GPD2: variants seen among roughly 807,000 people sequenced by gnomAD.
GPD2 encodes glycerol-3-phosphate dehydrogenase, mitochondrial.
In GPD2, 54 loss-of-function variants were observed where a neutral mutation model predicts 82.4. The observed-to-expected ratio is 0.66, with a 90% CI of 0.53 to 0.82. The LOEUF (loss-of-function observed/expected upper bound fraction) is 0.82, where lower values mean the gene tolerates loss of function less well. Ranked by LOEUF, GPD2 falls within the 40% of genes least tolerant of loss-of-function variation. The pLI, the probability that GPD2 is intolerant of heterozygous loss-of-function variation, is 0.00. For synonymous variants in GPD2, 288 were observed against 306.1 expected, an observed-to-expected ratio of 0.94 and a Z score of 0.62; for missense variants, 748 against 896.2, an observed-to-expected ratio of 0.83 and a Z score of 2.11.
chr2:156,493,871 T>G (rs1439960859), intron 2 of GPD2, among the ~76,000 whole-genome samples: 2 of 151,874 alleles, frequency 1.3e-5, no homozygotes, highest in African/African-American at 4.8e-5. Flanking sequence ...TAGCCTGGTG[T>G]TTTTTTCCCT....
intron 6 of GPD2, among the ~76,000 whole-genome samples, chr2:156,529,308 G>A (rs1177884767): frequency 6.8e-6 from 1 of 147,788 alleles, no homozygotes; most frequent in Non-Finnish European, 1.5e-5. Context: ...TTGTAAATTT[G>A]TTTGAGTTCA....
At chr2:156,567,478 G>T (rs887317099) in intron 9 of GPD2, among the ~76,000 whole-genome samples, 1 of 152,056 alleles carries the variant, frequency 6.6e-6, no homozygotes, top group African/African-American at 2.4e-5. Flanking sequence ...TTTTTTATCA[G>T]TATGGGTAAT....
upstream of GPD2, chr2:156,435,816 C>G (rs114453408): frequency 6.6e-6 from 1 of 152,484 alleles, no homozygotes; most frequent in Admixed American, 6.5e-5. Context: ...TAAGCCAGCC[C>G]CGCCAGCGTG....
chr2:156,467,750 C>T lies in GPD2; in HGVS notation c.-8-8348C>T, dbSNP rs1683197675. On this transcript the variant is annotated intron_variant, in intron 1 of 16. Coordinates refer to ENST00000438166, the MANE Select transcript of GPD2 (RefSeq NM_000408.5). ...AACAACAACAAAAGAGGAGAATTCA[C>T]CTTCAGTTTACAGAATAGACCTCCT... Among the ~76,000 whole-genome samples the T allele has an allele frequency of 3.3e-5, 5 of 152,284 alleles. 1 individual carries two copies. In the South Asian group the frequency reaches 6.2e-4, roughly 19 times the overall value.
At chr2:156,543,205 C>T (rs908401196) in intron 6 of GPD2, among the ~76,000 whole-genome samples, 6 of 152,098 alleles carry the variant, frequency 3.9e-5, no homozygotes, top group African/African-American at 1.4e-4. Context: ...ATAATAGTCC[C>T]CCTTGATCCC....
At chr2:156,477,015 T>C (rs146147350) in intron 2 of GPD2, among the ~76,000 whole-genome samples, 490 of 152,360 alleles carry the variant, frequency 3.2e-3, no homozygotes, top group African/African-American at 0.011. Context: ...TTTCACATTT[T>C]TGTGGCTGCC....
upstream of GPD2, among the ~76,000 whole-genome samples, chr2:156,436,101 A>T (rs557592018): frequency 6.6e-6 from 1 of 152,168 alleles, no homozygotes; most frequent in African/African-American, 2.4e-5. Flanking sequence ...AGTCACGTTC[A>T]TTGGGCCACG....
At chr2:156,423,195 T>C in the GPD2 span, among the ~76,000 whole-genome samples, 3 of 152,366 alleles carry the variant, frequency 2.0e-5, no homozygotes, top group East Asian at 5.8e-4. Flanking sequence ...TCAAAGCCCA[T>C]GTTTTCACAT....
rs139659281 is a variant in GPD2 at position 156,490,497 on chromosome 2, G to C, written c.103-5547G>C. ...TTTAAAAAAATATTTTGGAGGGACT[G>C]TTCAGTAAAACCTTCAAAACAAAAC... On this transcript the variant is annotated intron_variant, in intron 2 of 16. Coordinates refer to ENST00000438166, the MANE Select transcript of GPD2 (RefSeq NM_000408.5). Among the ~76,000 whole-genome samples, 559 of 152,146 alleles carry C rather than the reference G, an allele frequency of 3.7e-3. 3 individuals carry two copies. The highest frequency in any genetic ancestry group is 0.013 in the African/African-American group (535 of 41,510).
chr2:156,535,285 G>A (rs1014106470), intron 6 of GPD2, among the ~76,000 whole-genome samples: 1 of 150,494 alleles, frequency 6.6e-6, no homozygotes, highest in Non-Finnish European at 1.5e-5. Flanking sequence ...GAGAGAGAGA[G>A]AGAGAAAGAG....
intron 6 of GPD2, among the ~76,000 whole-genome samples, chr2:156,532,809 C>T (rs573858283): frequency 1.3e-5 from 2 of 152,324 alleles, no homozygotes; most frequent in East Asian, 3.9e-4. Flanking sequence ...TAATTTCCTC[C>T]TCTGTGACCC....
rs534832879 is a variant in GPD2 at position 156,536,652 on chromosome 2, C to T, written c.662-12956C>T. ...TCAAGATTTGAGGGCAGGGCTTCTC[C>T]TAAGGTAGAGGCAGAGAAGTAAACC... On this transcript the variant is annotated intron_variant, in intron 6 of 16. Coordinates refer to ENST00000438166, the MANE Select transcript of GPD2 (RefSeq NM_000408.5). Among the ~76,000 whole-genome samples, 376 of 152,262 alleles carry T rather than the reference C, an allele frequency of 2.5e-3. 4 individuals carry two copies. The highest frequency in any genetic ancestry group is 8.6e-3 in the African/African-American group (357 of 41,542).
intron 1 of GPD2, 133 bp from the exon 2 acceptor site, chr2:156,475,965 A>T: frequency 1.6e-6 from 1 of 639,500 alleles, no homozygotes; most frequent in Non-Finnish European, 2.8e-6. Flanking sequence ...TTGGTTTGTT[A>T]GTAATTTCCT....
chr2:156,481,658 T>G (rs1683737400), intron 2 of GPD2, among the ~76,000 whole-genome samples: 2 of 152,132 alleles, frequency 1.3e-5, no homozygotes, highest in South Asian at 4.1e-4. Context: ...CTTTTTTTTT[T>G]TTTTAAATAG....
intron 2 of GPD2, among the ~76,000 whole-genome samples, chr2:156,479,312 A>G (rs993826365): frequency 6.6e-6 from 1 of 152,222 alleles, no homozygotes; most frequent in African/African-American, 2.4e-5. Context: ...GAGCCATTGT[A>G]GGTGGGAGAA....
intron 2 of GPD2, among the ~76,000 whole-genome samples, chr2:156,483,834 C>T (rs1683826730): frequency 6.6e-6 from 1 of 152,092 alleles, no homozygotes; most frequent in Non-Finnish European, 1.5e-5. Context: ...TTTGAACACC[C>T]TTAACATTTT....
intron 7 of GPD2, 50 bp downstream of exon 7, chr2:156,549,822 T>C: frequency 7.6e-7 from 1 of 1,311,426 alleles, no homozygotes. Flanking sequence ...TTGCCTAGCT[T>C]ATATAATGAC....
intron 1 of GPD2, among the ~76,000 whole-genome samples, chr2:156,444,383 C>G (rs1373551007): frequency 6.6e-6 from 1 of 152,146 alleles, no homozygotes; most frequent in Non-Finnish European, 1.5e-5. Context: ...TTCCCCATCC[C>G]CATCCGCCAT....
intron 6 of GPD2, among the ~76,000 whole-genome samples, chr2:156,523,711 T>C (rs550716610): frequency 4.0e-5 from 6 of 151,512 alleles, no homozygotes; most frequent in Non-Finnish European, 7.4e-5. Flanking sequence ...GATAGATAGA[T>C]AGATAGATAT....
Sources: allele counts gnomAD v4.1 joint callset (sites outside exome capture counted in the v4.1 genomes callset), GRCh38; gene constraint gnomAD v4.1.1; transcripts MANE v1.5; gene names NCBI Gene and HGNC (gene_info 2026-07-23, HGNC 2026-07-21).